The following MZT2B variants were observed in gnomAD, a reference collection of about 807,000 sequenced individuals.
MZT2B encodes the protein mitotic-spindle organizing protein 2B.
Under a neutral mutation model 12.1 loss-of-function variants are expected in MZT2B, and 11 were observed. That is an observed-to-expected ratio of 0.91 (90% confidence interval 0.57 to 1.50). MZT2B has a LOEUF of 1.50. MZT2B is among the 40% of genes most tolerant of loss of function. The pLI, the probability that MZT2B is intolerant of heterozygous loss-of-function variation, is 0.00. For missense variants in MZT2B, 209 were observed against 227.7 expected (o/e 0.92, Z 0.53); for synonymous variants, 85 against 109.5 (o/e 0.78, Z 1.40).
intron 2 of MZT2B, chr2:130,183,827 A>C (rs1320652093): frequency 1.9e-6 from 3 of 1,550,612 alleles, no homozygotes; most frequent in Non-Finnish European, 2.6e-6. Context: ...GCCCCCCTGC[A>C]AGGCCCTCCT....
In MZT2B at chr2:130,184,396, G is replaced by A. The variant is rs1689971879; in HGVS notation, c.319+1621G>A. On this transcript the variant is annotated intron_variant, in intron 2 of 2. Coordinates refer to ENST00000281871, the MANE Select transcript of MZT2B (RefSeq NM_025029.5). The stretch of plus-strand genomic sequence containing the variant: ...GACTCCCACCTTCCCAGAGTCTCCT[G>A]GGCAGTGCCACACAGATGCCATATG... The A allele has an allele frequency of 3.0e-6, 3 of 985,444 alleles. No individual in the cohort carries two copies. The South Asian group carries it at 1.4e-4, about 46-fold the overall frequency. 61.0% of individuals were successfully genotyped at this position (985,444 alleles called of 1,614,324 possible).
intron 2 of MZT2B, chr2:130,183,646 G>C (rs564666186): frequency 7.1e-7 from 1 of 1,401,120 alleles, no homozygotes; most frequent in African/African-American, 1.4e-5. Flanking sequence ...AAGGCGTGGA[G>C]AGCAGGCTGC....
At chr2:130,181,869 C>T (rs1444784860), upstream of MZT2B, 2 of 1,529,040 alleles carry the variant, frequency 1.3e-6, no homozygotes, top group Non-Finnish European at 1.8e-6. Context: ...CCCTTCCCCC[C>T]GCCCGCCCCG....
chr2:130,183,589 TG>T, intron 2 of MZT2B: 2 of 859,744 alleles, frequency 2.3e-6, no homozygotes, highest in Non-Finnish European at 3.8e-6. Context: ...GGCCCAGAGC[TG>T]GCTCCCTGCC....
downstream of MZT2B, among the ~76,000 whole-genome samples, chr2:130,195,670 T>TG (rs1690386088): frequency 1.3e-5 from 2 of 152,216 alleles, no homozygotes; most frequent in East Asian, 1.9e-4. Flanking sequence ...TGTCATCTCC[T>TG]GGGGGGCCAC....
intron 2 of MZT2B, among the ~76,000 whole-genome samples, chr2:130,186,292 C>G (rs560665385): frequency 6.6e-6 from 1 of 152,218 alleles, no homozygotes; most frequent in East Asian, 1.9e-4. Context: ...ATGCCTGTCC[C>G]CCAGCCATCC....
chr2:130,195,360 T>C (rs1227827834), downstream of MZT2B: 6 of 1,327,820 alleles, frequency 4.5e-6, no homozygotes, highest in East Asian at 1.2e-4. Context: ...AGGTCAACAG[T>C]GGCAGTGTCT....
chr2:130,184,762 C>T (rs954966834), intron 2 of MZT2B: 10 of 985,306 alleles, frequency 1.0e-5, no homozygotes, highest in Non-Finnish European at 1.1e-5. Context: ...TGTTGCTGCT[C>T]ACTCAGCACT....
the MZT2B span, chr2:130,198,455 G>T: frequency 4.6e-6 from 6 of 1,308,852 alleles, 2 homozygotes; most frequent in Non-Finnish European, 6.2e-6. Context: ...GCCCACGCGC[G>T]CCGCACAGGA....
downstream of MZT2B, chr2:130,195,058 C>A: frequency 1.2e-6 from 2 of 1,611,920 alleles, no homozygotes; most frequent in Middle Eastern, 1.7e-4. Context: ...ACAATGGCCA[C>A]ATGAAACCTT....
upstream of MZT2B, chr2:130,181,953 C>T: frequency 1.4e-6 from 2 of 1,420,470 alleles, no homozygotes; most frequent in Non-Finnish European, 1.9e-6. Flanking sequence ...ATTTACCGAG[C>T]GCCCAATGTA....
chr2:130,187,249 GGCACACTCATA>G (rs1271280761), intron 2 of MZT2B, among the ~76,000 whole-genome samples: 1 of 151,970 alleles, frequency 6.6e-6, no homozygotes, highest in African/African-American at 2.4e-5. Flanking sequence ...GGAGTGCAGT[GGCACACTCATA>G]GCTCACTGCA....
chr2:130,194,170 G>A (rs779521754), downstream of MZT2B: 16 of 1,613,764 alleles, frequency 9.9e-6, 1 homozygote, highest in Middle Eastern at 1.7e-4. Flanking sequence ...TGAGGTTGGT[G>A]TACGTGGGAC....
At chr2:130,192,018 G>T, downstream of MZT2B, 1 of 1,614,106 alleles carries the variant, frequency 6.2e-7, no homozygotes, top group Non-Finnish European at 8.5e-7. Flanking sequence ...GACCAGGCGG[G>T]CCCAGGCCTC....
At chr2:130,193,677 C>G, downstream of MZT2B, 1 of 1,404,222 alleles carries the variant, frequency 7.1e-7, no homozygotes, top group Non-Finnish European at 9.7e-7. Context: ...GCCCACATGC[C>G]TAGCCCATGG....
At chr2:130,200,646 G>T in the MZT2B span, among the ~76,000 whole-genome samples, 2 of 152,322 alleles carry the variant, frequency 1.3e-5, no homozygotes, top group South Asian at 4.1e-4. Flanking sequence ...GAGAGGGAGT[G>T]GGTTTATGGC....
At chr2:130,183,865 C>CTCCGGTTCT in intron 2 of MZT2B, 1 of 1,550,670 alleles carries the variant, frequency 6.4e-7, no homozygotes, top group Non-Finnish European at 8.7e-7. Context: ...CCTGCGGCCT[C>CTCCGGTTCT]TCCGGTTCTG....
chr2:130,201,817 G>A, the MZT2B span, among the ~76,000 whole-genome samples: 9 of 152,150 alleles, frequency 5.9e-5, no homozygotes, highest in Non-Finnish European at 8.8e-5. Flanking sequence ...GCACACCTAG[G>A]CCACATGGTA....
upstream of MZT2B, chr2:130,181,681 C>T: frequency 6.5e-7 from 1 of 1,548,466 alleles, no homozygotes; most frequent in East Asian, 2.4e-5. Context: ...TCAAAAGGCG[C>T]GTGCGCAAAG....
Sources: allele counts gnomAD v4.1 joint callset (sites outside exome capture counted in the v4.1 genomes callset), GRCh38; gene constraint gnomAD v4.1.1; transcripts MANE v1.5; gene names NCBI Gene and HGNC (gene_info 2026-07-23, HGNC 2026-07-21).